Variants in RIMS2 observed in about 807,000 individuals in gnomAD.
The protein encoded by RIMS2 is regulating synaptic membrane exocytosis 2, also known as regulating synaptic membrane exocytosis protein 2.
A neutral mutation model predicts 174.4 loss-of-function variants in RIMS2; 59 were observed. The ratio of observed to expected loss-of-function variants is 0.34; its 90% confidence interval spans 0.27 to 0.42. The LOEUF (loss-of-function observed/expected upper bound fraction) is 0.42. Ranked by LOEUF, RIMS2 falls within the 10% of genes least tolerant of loss-of-function variation. The pLI is 1.00. For missense variants in RIMS2, 1,620 were observed against 1,666.3 expected (o/e 0.97, Z 0.48); for synonymous variants, 606 against 572.5 (o/e 1.06, Z -0.84).
At chr8:104,040,310 T>C (rs74542638) in intron 19 of RIMS2, among the ~76,000 whole-genome samples, 6,448 of 151,748 alleles carry the variant, frequency 0.042, 190 homozygotes, top group Middle Eastern at 0.092. Flanking sequence ...GCTAAGTGTT[T>C]AAATTAAAAT....
At chr8:104,087,065 C>T (rs1306989207) in intron 19 of RIMS2, among the ~76,000 whole-genome samples, 1 of 152,076 alleles carries the variant, frequency 6.6e-6, no homozygotes, top group Non-Finnish European at 1.5e-5. Flanking sequence ...TTTACTGTAA[C>T]AGCACTGCCT....
chr8:103,767,191 T>G (rs2098183480), intron 3 of RIMS2, among the ~76,000 whole-genome samples: 1 of 78,242 alleles, frequency 1.3e-5, no homozygotes, highest in African/African-American at 7.1e-5. Flanking sequence ...TCTTTTTCTT[T>G]CTTTTTTTTT....
intron 1 of RIMS2, among the ~76,000 whole-genome samples, chr8:103,572,349 C>T (rs1467848647): frequency 6.6e-6 from 1 of 151,884 alleles, no homozygotes; most frequent in Non-Finnish European, 1.5e-5. Context: ...CCTGCGCACG[C>T]CTTGCCGATT....
chr8:103,765,505 C>A (rs930570611), intron 2 of RIMS2, among the ~76,000 whole-genome samples: 5 of 151,952 alleles, frequency 3.3e-5, no homozygotes, highest in African/African-American at 7.3e-5. Context: ...GTTAAAATGG[C>A]AAATTTTATG....
intron 3 of RIMS2, among the ~76,000 whole-genome samples, chr8:103,866,134 G>T (rs899937624): frequency 6.6e-6 from 1 of 152,020 alleles, no homozygotes; most frequent in African/African-American, 2.4e-5. Flanking sequence ...AGTTCATTCT[G>T]GTGCTCCAAA....
At chr8:104,215,952 C>G (rs1365255109) in intron 19 of RIMS2, among the ~76,000 whole-genome samples, 1 of 152,120 alleles carries the variant, frequency 6.6e-6, no homozygotes, top group Non-Finnish European at 1.5e-5. Context: ...TTTTCTTTGT[C>G]CCTATTTTCT....
At chr8:104,007,848 C>A (rs1180205772) in intron 17 of RIMS2, among the ~76,000 whole-genome samples, 2 of 152,092 alleles carry the variant, frequency 1.3e-5, no homozygotes, top group Non-Finnish European at 2.9e-5. Flanking sequence ...GAGCATTAAA[C>A]AACCTTCAGA....
At chr8:104,106,922 G>C (rs940430782) in intron 19 of RIMS2, among the ~76,000 whole-genome samples, 1 of 152,070 alleles carries the variant, frequency 6.6e-6, no homozygotes, top group Admixed American at 6.5e-5. Context: ...ATTATTGTTA[G>C]ATGCCATAAC....
At chr8:103,640,101 C>T (rs1025571181) in intron 1 of RIMS2, among the ~76,000 whole-genome samples, 1 of 151,758 alleles carries the variant, frequency 6.6e-6, no homozygotes, top group African/African-American at 2.4e-5. Context: ...TAGACATAGA[C>T]CTCTCCTTTT....
intron 1 of RIMS2, among the ~76,000 whole-genome samples, chr8:103,584,190 T>G (rs944061114): frequency 2.6e-5 from 4 of 152,144 alleles, no homozygotes; most frequent in Non-Finnish European, 4.4e-5. Flanking sequence ...GCATGACATA[T>G]TTAATGTGGT....
intron 18 of RIMS2, 101 bp downstream of exon 20, chr8:104,013,722 T>C: frequency 1.1e-6 from 1 of 908,086 alleles, no homozygotes; most frequent in Non-Finnish European, 1.8e-6. Flanking sequence ...CTTTGGCTGA[T>C]CACTAGTAAC....
intron 19 of RIMS2, among the ~76,000 whole-genome samples, chr8:104,170,510 C>T (rs1000881491): frequency 1.3e-5 from 2 of 151,982 alleles, no homozygotes; most frequent in African/African-American, 4.8e-5. Context: ...TCTTGTGAAA[C>T]ATCTTTTTCC....
chr8:103,690,205 C>A (rs562837674), intron 1 of RIMS2, among the ~76,000 whole-genome samples: 1 of 152,206 alleles, frequency 6.6e-6, no homozygotes, highest in South Asian at 2.1e-4. Context: ...CTCAAGTGGT[C>A]CCCCCACCTC....
In RIMS2 at chr8:103,855,084, C is replaced by G. The variant is rs1423089928; in HGVS notation, c.699-30214C>G. 3.3e-5 allele frequency among the ~76,000 whole-genome samples: 5 copies of G among 151,784 alleles called. No individual in the cohort carries two copies. The South Asian group carries it at 8.3e-4, about 25-fold the overall frequency. On this transcript the variant is annotated intron_variant, in intron 3 of 23. Coordinates refer to ENST00000504942, the Ensembl canonical transcript of RIMS2. ...TTTCAATCTATTCCTGATTCAGTCTCGGGAGATTGTGTTTTTCCAGGAATT... is the reference window on the plus strand; with the variant it reads ...TTTCAATCTATTCCTGATTCAGTCTGGGGAGATTGTGTTTTTCCAGGAATT...
rs1460291723 is a variant in RIMS2 at position 103,985,631 on chromosome 8, C to G, written c.2928-3674C>G. On this transcript the variant is annotated intron_variant, in intron 16 of 23. Transcript: ENST00000504942. The stretch of plus-strand genomic sequence containing the variant: ...CATAAATACATACACCTACTATGTA[C>G]TCACAAAGTTAAAAAATTAAAATTA... 2.0e-5 allele frequency among the ~76,000 whole-genome samples: 3 copies of G among 151,804 alleles called. No homozygotes were observed. The East Asian group carries it at 5.8e-4, about 29-fold the overall frequency.
chr8:103,572,347 C>T (rs776416395), intron 1 of RIMS2, among the ~76,000 whole-genome samples: 4 of 151,972 alleles, frequency 2.6e-5, no homozygotes, highest in East Asian at 3.9e-4. Context: ...GCCCTGCGCA[C>T]GCCTTGCCGA....
intron 19 of RIMS2, among the ~76,000 whole-genome samples, chr8:104,226,787 A>G (rs2099190498): frequency 6.6e-6 from 1 of 152,104 alleles, no homozygotes; most frequent in Non-Finnish European, 1.5e-5. Flanking sequence ...CCTCCCACAC[A>G]CCTTTGAAAA....
intron 1 of RIMS2, among the ~76,000 whole-genome samples, chr8:103,592,096 G>T (rs2094290442): frequency 6.6e-6 from 1 of 151,122 alleles, no homozygotes. Context: ...GCCCTTTGAT[G>T]TCATGGGAGC....
Position 103,819,221 on chromosome 8 carries a change from C to T in RIMS2, c.698+52684C>T, listed in dbSNP as rs1204191317. The T allele has an allele frequency of 4.1e-6, 5 of 1,231,794 alleles. No individual in the cohort carries two copies. In the African/African-American group the frequency reaches 4.7e-5, roughly 11 times the overall value. 76.3% of individuals were successfully genotyped at this position (1,231,794 alleles called of 1,614,324 possible). Reference sequence around the variant, plus strand: ...AGTACATGAAAGCAGCTCAGCTTCACACTTCAGCTGGGAATGCCCAAAAAG... The same window carrying T: ...AGTACATGAAAGCAGCTCAGCTTCATACTTCAGCTGGGAATGCCCAAAAAG... On this transcript the variant is annotated intron_variant, in intron 3 of 23. Coordinates refer to ENST00000504942, the Ensembl canonical transcript of RIMS2.
Sources: allele counts gnomAD v4.1 joint callset (sites outside exome capture counted in the v4.1 genomes callset), GRCh38; gene constraint gnomAD v4.1.1; transcripts MANE v1.5; gene names NCBI Gene and HGNC (gene_info 2026-07-23, HGNC 2026-07-21).